NOTCH2: variants seen among roughly 807,000 people sequenced by gnomAD.
NOTCH2 encodes the protein neurogenic locus notch homolog protein 2.
In NOTCH2, 29 loss-of-function variants were observed where a neutral mutation model predicts 235.8. The ratio of observed to expected loss-of-function variants is 0.12; its 90% confidence interval spans 0.09 to 0.17. The LOEUF (loss-of-function observed/expected upper bound fraction) is 0.17. Among genes scored for constraint, NOTCH2 ranks in the 10% least tolerant of loss-of-function variants. NOTCH2 has a pLI of 1.00. For missense variants in NOTCH2, 2,285 were observed against 3,150.2 expected (o/e 0.73, Z 6.57); for synonymous variants, 1,086 against 1,141.5 (o/e 0.95, Z 0.98).
chr1:119,971,488 G>C (rs1651359841), intron 5 of NOTCH2, among the ~76,000 whole-genome samples: 1 of 152,208 alleles, frequency 6.6e-6, no homozygotes, highest in Non-Finnish European at 1.5e-5. Flanking sequence ...AAAAAGATGA[G>C]GAGGCTGGTC....
At chr1:119,922,062 T>C (rs1380140998) in intron 28 of NOTCH2, among the ~76,000 whole-genome samples, 174 bp downstream of exon 28, 9 of 152,164 alleles carry the variant, frequency 5.9e-5, no homozygotes, top group Non-Finnish European at 1.0e-4. Context: ...ATACACAGAA[T>C]AGATGCACCC....
In NOTCH2 at chr1:119,915,695, G is replaced by T; in HGVS notation, c.7027C>A (p.Pro2343Thr). ...AGPLPTMYQI[P>T]EMARLPSVAF... ...ACACTGGGCAAACGGGCCATTTCTG[G>T]AATCTGGTACATGGTGGGCAGGGGG... The change falls in exon 34 of 34, where the codon CCA becomes ACA. Residue 2343 changes from proline (P) to threonine (T), a missense_variant. Physicochemically the swap from Pro to Thr is conservative, Grantham distance 38. Coordinates refer to ENST00000256646, the MANE Select transcript of NOTCH2 (RefSeq NM_024408.4). 1 of 1,612,508 alleles carries T rather than the reference G, an allele frequency of 6.2e-7. No individual in the cohort carries two copies. Among genetic ancestry groups the T allele is most frequent in the Admixed American group, 1.7e-5 (1 of 59,984 alleles).
At chr1:119,955,336 A>G (rs148386300) in intron 12 of NOTCH2, 104 bp from the exon 13 acceptor site, 51 of 1,232,380 alleles carry the variant, frequency 4.1e-5, no homozygotes, top group Middle Eastern at 2.3e-4. Flanking sequence ...CTCAGGCCAT[A>G]AGGTGCCTTG....
Position 119,923,755 on chromosome 1 carries a change from G to A in NOTCH2, c.4741C>T (p.Arg1581Trp), listed in dbSNP as rs779822957. The A allele has an allele frequency of 8.1e-6, 13 of 1,614,002 alleles. No individual in the cohort carries two copies. Among genetic ancestry groups the A allele is most frequent in the African/African-American group, 4.0e-5 (3 of 74,906 alleles). ...TLLHTNLRIKRDSQGELMVYP... is the reference protein window; with the variant it reads ...TLLHTNLRIKWDSQGELMVYP... ...ACCATGAGTTCCCCCTGGGAGTCCC[G>A]CTTAATGCGCAGGTTGGTGTGGAGC... is the stretch of plus-strand genomic sequence containing the variant. The change falls in exon 26 of 34, where the codon CGG becomes TGG. Residue 1581 changes from arginine (R) to tryptophan (W), a missense_variant. Coordinates refer to ENST00000256646, the MANE Select transcript of NOTCH2 (RefSeq NM_024408.4).
At chr1:119,967,643 T>G (rs1553199854) in intron 7 of NOTCH2, 22 bp from the exon 8 acceptor site, 1 of 1,611,072 alleles carries the variant, frequency 6.2e-7, no homozygotes, top group Admixed American at 1.7e-5. Flanking sequence ...AAGTACCAAT[T>G]ACTGGGATCA....
rs1457274175 is a variant in NOTCH2 at position 119,917,719 on chromosome 1, C to T, written c.5973G>A (p.Glu1991=). ...CATTTTTCAACAACAAAAGAGTTGC[C>T]TCCACATTATTGACAGCAGCTGCCC... The part of the protein sequence containing the change: ...LHWAAAVNNV[E]ATLLLLKNGA... The change falls in exon 33 of 34, where the codon GAG becomes GAA. Residue 1991 remains glutamate, a synonymous_variant. Transcript: ENST00000256646. The T allele has an allele frequency of 3.7e-6, 6 of 1,613,986 alleles. No homozygotes were observed. The highest frequency in any genetic ancestry group is 5.1e-6 in the Non-Finnish European group (6 of 1,179,934).
intron 5 of NOTCH2, among the ~76,000 whole-genome samples, chr1:119,986,011 G>A (rs587645822): frequency 6.6e-6 from 1 of 152,262 alleles, no homozygotes; most frequent in East Asian, 1.9e-4. Context: ...TCTATTCATA[G>A]TCTACAGCTC....
At chr1:119,947,893 G>T (rs1288081608) in intron 17 of NOTCH2, among the ~76,000 whole-genome samples, 3 of 152,138 alleles carry the variant, frequency 2.0e-5, no homozygotes, top group African/African-American at 7.2e-5. Flanking sequence ...CCTGACTTAT[G>T]CTTATCTAAC....
intron 17 of NOTCH2, among the ~76,000 whole-genome samples, chr1:119,944,002 A>G (rs1431189979): frequency 1.3e-5 from 2 of 152,204 alleles, no homozygotes; most frequent in South Asian, 2.1e-4. Context: ...TTGAAAGTAT[A>G]ACAAAATAAC....
intron 22 of NOTCH2, among the ~76,000 whole-genome samples, chr1:119,934,162 A>G (rs1030874871): frequency 2.6e-5 from 4 of 152,302 alleles, no homozygotes; most frequent in South Asian, 2.1e-4. Flanking sequence ...GTGATCTCCA[A>G]TGTTGGAGGT....
rs1649918574 is a variant in NOTCH2, at chr1:119,937,951, T to C, written c.3243A>G (p.Lys1081=). The change falls in exon 20 of 34, where the codon AAA becomes AAG. Residue 1081 remains lysine, a synonymous_variant. Transcript: ENST00000256646. ...PCKNKGTCVQ[K]KAESQCLCPS... is the part of the protein sequence containing the mutation. ...GACATAGGCACTGGGACTCTGCTTT[T>C]TTCTGAACGCAAGTACCTTTGTTTT... 1.2e-6 allele frequency: 2 copies of C among 1,614,194 alleles called. No homozygotes were observed. The highest frequency in any genetic ancestry group is 1.7e-6 in the Non-Finnish European group (2 of 1,180,026).
chr1:119,975,194 G>A (rs1183082907), intron 5 of NOTCH2, among the ~76,000 whole-genome samples: 1 of 152,182 alleles, frequency 6.6e-6, no homozygotes, highest in Non-Finnish European at 1.5e-5. Context: ...TAGGGAAAGA[G>A]GAAGAAACTC....
At chr1:119,933,719 T>C (rs1189661894) in intron 22 of NOTCH2, among the ~76,000 whole-genome samples, 3 of 152,204 alleles carry the variant, frequency 2.0e-5, no homozygotes, top group Non-Finnish European at 4.4e-5. Flanking sequence ...GACAAAAATT[T>C]TGTTTCCTTC....
At chr1:119,954,920 A>G in intron 13 of NOTCH2, 120 bp downstream of exon 13, 1 of 969,936 alleles carries the variant, frequency 1.0e-6, no homozygotes, top group Non-Finnish European at 1.6e-6. Context: ...CAGACTACCA[A>G]ATCTTCAGCA....
chr1:119,913,567 G>A lies in NOTCH2; in HGVS notation c.*1739C>T, dbSNP rs1648961129. 2 of 233,308 alleles carry A rather than the reference G, an allele frequency of 8.6e-6. No individual in the cohort carries two copies. The highest frequency in any genetic ancestry group is 4.4e-5 in the African/African-American group (2 of 45,486). The allele number at this position is 233,308 out of a possible 1,614,324, so 14.5% of individuals were successfully genotyped here. On this transcript the variant is annotated 3_prime_UTR_variant, in exon 34 of 34. Transcript: ENST00000256646. ...TGGACCAATTATTAACTGGCCCAAG[G>A]AGAAGAGGAAGAAAACTATTCTTTA...
chr1:120,054,521 G>A (rs1425232318), intron 1 of NOTCH2, among the ~76,000 whole-genome samples: 4 of 149,870 alleles, frequency 2.7e-5, no homozygotes, highest in African/African-American at 9.8e-5. Context: ...TTGTTCAGAT[G>A]CTGAGGCATT....
intron 15 of NOTCH2, 190 bp downstream of exon 15, chr1:119,950,534 A>T (rs1553197611): frequency 1.4e-6 from 1 of 698,514 alleles, no homozygotes; most frequent in Non-Finnish European, 2.6e-6. Flanking sequence ...ACTGTCCACC[A>T]CTTGCATCTT....
intron 4 of NOTCH2, chr1:119,996,793 A>T (rs1424261540): frequency 1.2e-6 from 1 of 815,872 alleles, no homozygotes; most frequent in African/African-American, 1.7e-5. Context: ...ATCATCATAA[A>T]CCCTGACATG....
At position 119,916,583 on chromosome 1, in the gene NOTCH2, G is replaced by C. The variant is rs140353589; in HGVS notation, c.6139C>G (p.Arg2047Gly). 3.0e-5 allele frequency: 49 copies of C among 1,614,008 alleles called. No homozygotes were observed. Among genetic ancestry groups the C allele is most frequent in the Non-Finnish European group, 3.6e-5 (43 of 1,180,028 alleles). ...TGCATGCGATCCCGAGCCACATCCC[G>C]GGGAAGACGATCCATATGGTCTGTG... The part of the protein sequence containing the change: ...DITDHMDRLP[R>G]DVARDRMHHD... The change falls in exon 34 of 34, where the codon CGG becomes GGG. Residue 2047 changes from arginine to glycine, a missense_variant. This residue lies in a region of NOTCH2 where 128 missense variants were observed against 255.9 expected (regional missense o/e 0.50). Coordinates refer to ENST00000256646, the MANE Select transcript of NOTCH2 (RefSeq NM_024408.4).
Sources: allele counts gnomAD v4.1 joint callset (sites outside exome capture counted in the v4.1 genomes callset), GRCh38; gene constraint gnomAD v4.1.1; regional missense constraint gnomAD v4.1.1; transcripts MANE v1.5; gene names NCBI Gene and HGNC (gene_info 2026-07-23, HGNC 2026-07-21).